Variants in NME9 observed in about 807,000 individuals in gnomAD.
NME9 encodes thioredoxin domain-containing protein 6.
A neutral mutation model predicts 44.4 loss-of-function variants in NME9; 48 were observed. That is an observed-to-expected ratio of 1.08 (90% CI 0.86 to 1.37). NME9 has a LOEUF of 1.37. Among genes scored for constraint, NME9 ranks in the 40% most tolerant of loss-of-function variants. The pLI, the probability that NME9 is intolerant of heterozygous loss-of-function variation, is 0.00. For missense variants in NME9, 325 were observed against 405.2 expected (o/e 0.80, Z 1.70); for synonymous variants, 139 against 147.1 (o/e 0.94, Z 0.40).
chr3:138,263,237 T>TC (rs1173705186), intron 8 of NME9, among the ~76,000 whole-genome samples: 2 of 152,270 alleles, frequency 1.3e-5, no homozygotes, highest in African/African-American at 2.4e-5. Context: ...TAGCAGCACT[T>TC]CGTGCTATAG....
chr3:138,309,292 T>TC (rs1217900087), intron 6 of NME9, among the ~76,000 whole-genome samples: 1 of 114,132 alleles, frequency 8.8e-6, no homozygotes, highest in Non-Finnish European at 1.8e-5. Flanking sequence ...GAGTGAGACT[T>TC]CATCTCAAAC....
chr3:138,319,579 CAACTGTGTGG>C lies in NME9; in HGVS notation c.92-8_93del. ...CCACACCAGCCTTGATAGACATCAA[CAACTGTGTGG>C]AACCAAGAAGCAGGAACATTCAGTA... On this transcript the variant is annotated splice_acceptor_variant and splice_polypyrimidine_tract_variant and coding_sequence_variant and intron_variant, in exon 3 of 11. Coordinates refer to ENST00000333911, the MANE Select transcript of NME9 (RefSeq NM_001349018.2). LOFTEE classifies it high-confidence loss of function. 1 of 1,587,112 alleles carries C rather than the reference CAACTGTGTGG, an allele frequency of 6.3e-7. No individual in the cohort carries two copies. The highest frequency in any genetic ancestry group is 8.7e-7 in the Non-Finnish European group (1 of 1,155,454).
At chr3:138,274,306 C>T in intron 8 of NME9, 1 of 586,740 alleles carries the variant, frequency 1.7e-6, no homozygotes, top group East Asian at 2.9e-5. Flanking sequence ...ATAATAAACA[C>T]TGTTCTTTGG....
chr3:138,299,115 C>G (rs1055374889), downstream of NME9, among the ~76,000 whole-genome samples: 1 of 152,208 alleles, frequency 6.6e-6, no homozygotes, highest in African/African-American at 2.4e-5. Context: ...GGGGTAGGAA[C>G]TGGTGCTGTC....
intron 8 of NME9, among the ~76,000 whole-genome samples, chr3:138,292,060 G>A (rs1303861072): frequency 6.6e-6 from 1 of 151,592 alleles, no homozygotes; most frequent in East Asian, 1.9e-4. Flanking sequence ...CTTTCGAGAT[G>A]GAGTTTCACT....
chr3:138,270,435 C>T (rs2048682365), intron 8 of NME9, among the ~76,000 whole-genome samples: 1 of 152,134 alleles, frequency 6.6e-6, no homozygotes, highest in Admixed American at 6.6e-5. Context: ...TTTTGTGTAG[C>T]GCCACCTACT....
intron 7 of NME9, 82 bp downstream of exon 7, chr3:138,306,316 T>C: frequency 1.9e-6 from 2 of 1,060,580 alleles, no homozygotes; most frequent in South Asian, 1.3e-5. Context: ...CACTAAGATA[T>C]CACTGCCCAG....
intron 2 of NME9, among the ~76,000 whole-genome samples, chr3:138,322,820 A>G (rs988363056): frequency 6.6e-6 from 1 of 152,186 alleles, no homozygotes; most frequent in African/African-American, 2.4e-5. Flanking sequence ...GTTAGCTACT[A>G]TCACATAGGG....
intron 8 of NME9, among the ~76,000 whole-genome samples, chr3:138,265,595 G>A (rs1302484168): frequency 2.0e-5 from 3 of 152,176 alleles, no homozygotes; most frequent in Non-Finnish European, 2.9e-5. Context: ...ATTCAGGCAG[G>A]AAGAATATAA....
chr3:138,274,945 C>T (rs1560030923), intron 8 of NME9, among the ~76,000 whole-genome samples: 1 of 152,198 alleles, frequency 6.6e-6, no homozygotes, highest in Non-Finnish European at 1.5e-5. Context: ...TAAAATAATT[C>T]CTCATCCTGG....
At chr3:138,324,147 A>G (rs2053633278) in intron 2 of NME9, 1 of 240,040 alleles carries the variant, frequency 4.2e-6, no homozygotes, top group African/African-American at 2.2e-5. Flanking sequence ...TCTGGCCAAC[A>G]GCCAATGAGG....
downstream of NME9, among the ~76,000 whole-genome samples, chr3:138,299,543 C>T (rs1453440231): frequency 6.6e-6 from 1 of 152,010 alleles, no homozygotes; most frequent in Non-Finnish European, 1.5e-5. Context: ...GAGCCACTCT[C>T]GGGAACCCCC....
downstream of NME9, among the ~76,000 whole-genome samples, chr3:138,299,441 C>T (rs2051728173): frequency 6.6e-6 from 1 of 152,172 alleles, no homozygotes; most frequent in Non-Finnish European, 1.5e-5. Context: ...AAACAGCACC[C>T]ATCCTTTACT....
chr3:138,264,412 C>CTTTTT (rs11298899), intron 8 of NME9, among the ~76,000 whole-genome samples: 22 of 48,638 alleles, frequency 4.5e-4, no homozygotes, highest in South Asian at 1.2e-3. Context: ...GATTTTCTTT[C>CTTTTT]TTTTTTTTTT....
At chr3:138,284,542 CT>C (rs1170936511) in intron 8 of NME9, 1 of 1,559,474 alleles carries the variant, frequency 6.4e-7, no homozygotes, top group African/African-American at 1.4e-5. Flanking sequence ...CCCTTGTCCC[CT>C]TTCACCGTAG....
At chr3:138,307,993 AGGT>A in intron 6 of NME9, among the ~76,000 whole-genome samples, 1 of 152,310 alleles carries the variant, frequency 6.6e-6, no homozygotes, top group South Asian at 2.1e-4. Context: ...TGGAAAGTGA[AGGT>A]GGCCTAGAGT....
chr3:138,292,988 T>A (rs1230663709), intron 8 of NME9, among the ~76,000 whole-genome samples: 1 of 152,108 alleles, frequency 6.6e-6, no homozygotes, highest in Non-Finnish European at 1.5e-5. Flanking sequence ...AAAACTCATA[T>A]CAGGTTGCTA....
At chr3:138,326,897 T>C (rs1416327413) in intron 1 of NME9, 1 of 149,964 alleles carries the variant, frequency 6.7e-6, no homozygotes, top group Non-Finnish European at 1.5e-5. Context: ...ATCCCAACAC[T>C]TTTGGAGGCC....
intron 6 of NME9, among the ~76,000 whole-genome samples, chr3:138,306,971 C>G (rs751833691): frequency 3.3e-5 from 5 of 152,218 alleles, no homozygotes; most frequent in Admixed American, 6.5e-5. Context: ...CACGTGCTCT[C>G]CTTTCACTCT....
Sources: allele counts gnomAD v4.1 joint callset (sites outside exome capture counted in the v4.1 genomes callset), GRCh38; gene constraint gnomAD v4.1.1; transcripts MANE v1.5; gene names NCBI Gene and HGNC (gene_info 2026-07-23, HGNC 2026-07-21).